Variants in MIS18A observed in about 807,000 individuals in gnomAD.
The protein encoded by MIS18A is MIS18 kinetochore protein A, also known as protein Mis18-alpha.
MIS18A carries 14 observed loss-of-function variants against 25.0 expected under a neutral mutation model. The ratio of observed to expected loss-of-function variants is 0.56; its 90% CI spans 0.37 to 0.88. The LOEUF is 0.88. Ranked by LOEUF, MIS18A falls within the 40% of genes least tolerant of loss-of-function variation. MIS18A has a pLI of 0.00. For synonymous variants in MIS18A, 134 were observed against 118.6 expected (o/e 1.13, Z -0.84); for missense variants, 292 against 290.8 (o/e 1.00, Z -0.03).
chr21:32,245,357 T>C, the MIS18A span, among the ~76,000 whole-genome samples: 62 of 152,340 alleles, frequency 4.1e-4, no homozygotes, highest in Non-Finnish European at 7.8e-4. Context: ...CCCTGAAATG[T>C]CAACATCCCT....
chr21:32,186,913 G>A, the MIS18A span, among the ~76,000 whole-genome samples: 10,503 of 152,098 alleles, frequency 0.069, 529 homozygotes, highest in South Asian at 0.16. Context: ...GCAGTTTCCC[G>A]CACAATGCAG....
At chr21:32,245,764 A>G in the MIS18A span, among the ~76,000 whole-genome samples, 1 of 152,152 alleles carries the variant, frequency 6.6e-6, no homozygotes, top group Admixed American at 6.5e-5. Flanking sequence ...TTTTCTTCCT[A>G]TTCCTGATCT....
the MIS18A span, among the ~76,000 whole-genome samples, chr21:32,210,614 C>A: frequency 6.6e-6 from 1 of 152,102 alleles, no homozygotes; most frequent in Admixed American, 6.5e-5. Context: ...GCACAAAGGT[C>A]CCTTGAAAAT....
chr21:32,265,525 G>T (rs536774685), downstream of MIS18A, among the ~76,000 whole-genome samples: 1 of 152,238 alleles, frequency 6.6e-6, no homozygotes, highest in African/African-American at 2.4e-5. Context: ...CCGGCCCACC[G>T]GCGCTGTGCT....
At chr21:32,196,087 G>A in the MIS18A span, among the ~76,000 whole-genome samples, 6 of 152,140 alleles carry the variant, frequency 3.9e-5, no homozygotes, top group African/African-American at 1.4e-4. Context: ...TGGGCCATGG[G>A]GGTGTCCAGA....
the MIS18A span, among the ~76,000 whole-genome samples, chr21:32,161,886 G>C: frequency 6.6e-6 from 1 of 151,672 alleles, no homozygotes; most frequent in African/African-American, 2.4e-5. Context: ...AAGATATCTT[G>C]CTCATCAGAG....
rs1030875968 is a variant in MIS18A at position 32,270,865 on chromosome 21, T to C, written c.402-336A>G. Among the ~76,000 whole-genome samples the C allele has an allele frequency of 2.6e-5, 4 of 152,236 alleles. No individual in the cohort carries two copies. The South Asian group carries it at 8.3e-4, about 31-fold the overall frequency. ...TTTTAGCCTCGCCAGCCATCTGGTG[T>C]CTGTCACTACTCACCTCTGCCATTG... On this transcript the variant is annotated intron_variant, in intron 2 of 4. Coordinates refer to ENST00000290130, the MANE Select transcript of MIS18A (RefSeq NM_018944.3).
chr21:32,244,985 C>T, the MIS18A span, among the ~76,000 whole-genome samples: 1 of 152,056 alleles, frequency 6.6e-6, no homozygotes, highest in Non-Finnish European at 1.5e-5. Flanking sequence ...TTTAAATTTG[C>T]AGGAAAAAAT....
At chr21:32,211,285 C>A in the MIS18A span, among the ~76,000 whole-genome samples, 1 of 152,210 alleles carries the variant, frequency 6.6e-6, no homozygotes, top group Non-Finnish European at 1.5e-5. Flanking sequence ...AGGTGATCCA[C>A]CCACCTTGGC....
the MIS18A span, among the ~76,000 whole-genome samples, chr21:32,254,004 AGGTG>A: frequency 6.6e-6 from 1 of 152,124 alleles, no homozygotes; most frequent in Non-Finnish European, 1.5e-5. Flanking sequence ...TGGGAGACCA[AGGTG>A]GGTGGATCAC....
In MIS18A at chr21:32,268,840, C is replaced by T. The variant is rs183873423; in HGVS notation, c.*197G>A. On this transcript the variant is annotated 3_prime_UTR_variant, in exon 5 of 5. Coordinates refer to ENST00000290130, the MANE Select transcript of MIS18A (RefSeq NM_018944.3). ...TCTCACTCTGTTGCCCAGACTAGAA[C>T]ACAGTAGTGGCATGACCAAGGCTCA... 2.6e-4 allele frequency: 109 copies of T among 416,112 alleles called. No individual in the cohort carries two copies. Among genetic ancestry groups the T allele is most frequent in the African/African-American group, 2.0e-3 (99 of 48,966 alleles). The allele number at this position is 416,112 out of a possible 1,614,324, so 25.8% of individuals were successfully genotyped here. A position where few individuals can be genotyped will look rare whatever the true frequency, so the allele number is the denominator to read the frequency against.
the MIS18A span, among the ~76,000 whole-genome samples, chr21:32,163,574 C>A: frequency 6.6e-6 from 1 of 152,092 alleles, no homozygotes; most frequent in Non-Finnish European, 1.5e-5. Context: ...GACACAGGAG[C>A]CAAGAAAAGT....
At chr21:32,188,314 A>T in the MIS18A span, among the ~76,000 whole-genome samples, 1 of 152,266 alleles carries the variant, frequency 6.6e-6, no homozygotes, top group Admixed American at 6.5e-5. Context: ...CATTGGCAGT[A>T]GCCAGAATAT....
At chr21:32,199,837 C>CA in the MIS18A span, among the ~76,000 whole-genome samples, 1 of 151,842 alleles carries the variant, frequency 6.6e-6, no homozygotes, top group African/African-American at 2.4e-5. Context: ...AACAAACAAA[C>CA]AAAAAAAGAA....
chr21:32,186,942 G>GATT, the MIS18A span, among the ~76,000 whole-genome samples: 2 of 152,134 alleles, frequency 1.3e-5, no homozygotes, highest in Non-Finnish European at 2.9e-5. Context: ...TTGACAGGCA[G>GATT]ATTATTATTA....
chr21:32,233,656 C>T, the MIS18A span, among the ~76,000 whole-genome samples: 2 of 152,160 alleles, frequency 1.3e-5, no homozygotes, highest in African/African-American at 4.8e-5. Context: ...GAATCATCCT[C>T]CTGGGAGCTG....
chr21:32,276,955 A>G (rs962048823), intron 1 of MIS18A, among the ~76,000 whole-genome samples: 1 of 152,330 alleles, frequency 6.6e-6, no homozygotes, highest in South Asian at 2.1e-4. Flanking sequence ...AAAAAAACCT[A>G]TTAAATAAAT....
the MIS18A span, among the ~76,000 whole-genome samples, chr21:32,162,123 G>A: frequency 6.6e-6 from 1 of 152,126 alleles, no homozygotes; most frequent in African/African-American, 2.4e-5. Context: ...ATGTGAAAAA[G>A]TGGCCTGGGT....
chr21:32,263,660 T>G (rs988710881), downstream of MIS18A, among the ~76,000 whole-genome samples: 3 of 152,154 alleles, frequency 2.0e-5, no homozygotes, highest in Admixed American at 2.0e-4. Flanking sequence ...GAGTTTCATT[T>G]TAGACGTACT....
Sources: gnomAD v4.1 joint callset for allele counts (sites outside exome capture counted in the v4.1 genomes callset) on GRCh38, gnomAD v4.1.1 for gene constraint, MANE v1.5 for transcripts, NCBI Gene and HGNC (gene_info 2026-07-23, HGNC 2026-07-21) for gene names.